IHO1: variants seen among roughly 807,000 people sequenced by gnomAD.
IHO1 encodes interactor of HORMAD1 1.
Under a neutral mutation model 31.0 loss-of-function variants are expected in IHO1, and 13 were observed. The ratio of observed to expected loss-of-function variants is 0.42; its 90% confidence interval spans 0.27 to 0.67. IHO1 has a LOEUF of 0.67. IHO1 is among the 30% of genes least tolerant of loss of function. The pLI is 0.24. For synonymous variants in IHO1, 221 were observed against 248.4 expected, an observed-to-expected ratio of 0.89 and a Z score of 1.04; for missense variants, 599 against 687.5, an observed-to-expected ratio of 0.87 and a Z score of 1.44.
intron 1 of IHO1, among the ~76,000 whole-genome samples, chr3:49,204,224 G>T (rs1025032549): frequency 6.6e-6 from 1 of 152,036 alleles, no homozygotes; most frequent in South Asian, 2.1e-4. Flanking sequence ...CTATCACAAT[G>T]GTAATTAAAT....
At chr3:49,234,438 C>G (rs2046527507) in intron 2 of IHO1, among the ~76,000 whole-genome samples, 1 of 151,844 alleles carries the variant, frequency 6.6e-6, no homozygotes, top group East Asian at 1.9e-4. Context: ...CCTCGGCCTC[C>G]CAAAGTGCTA....
chr3:49,254,342 C>G (rs999979639), intron 6 of IHO1, among the ~76,000 whole-genome samples: 20 of 152,082 alleles, frequency 1.3e-4, no homozygotes, highest in African/African-American at 4.1e-4. Context: ...AGAGGAAAAT[C>G]AATCAGTCCT....
intron 3 of IHO1, among the ~76,000 whole-genome samples, chr3:49,240,050 T>G (rs2046611419): frequency 1.3e-5 from 2 of 152,102 alleles, no homozygotes; most frequent in African/African-American, 4.8e-5. Context: ...TTTTCTTTTC[T>G]TTTCTTTTCT....
intron 6 of IHO1, among the ~76,000 whole-genome samples, chr3:49,246,226 G>C (rs113580032): frequency 1.7e-4 from 25 of 150,098 alleles, no homozygotes; most frequent in Middle Eastern, 7.0e-3. Context: ...CCTTGAAACT[G>C]TTAACCCCAC....
intron 2 of IHO1, among the ~76,000 whole-genome samples, chr3:49,232,029 G>A (rs1201346670): frequency 1.2e-4 from 19 of 152,038 alleles, no homozygotes; most frequent in Non-Finnish European, 1.5e-5. Context: ...TCTTACTTTG[G>A]GCTACATGCC....
intron 6 of IHO1, among the ~76,000 whole-genome samples, chr3:49,246,128 G>A (rs1575585945): frequency 1.3e-5 from 2 of 149,178 alleles, no homozygotes; most frequent in Non-Finnish European, 1.5e-5. Context: ...GTGGCAGTGA[G>A]CTGAGATGGC....
chr3:49,200,596 C>A (rs1307038770), intron 1 of IHO1: 12 of 984,514 alleles, frequency 1.2e-5, no homozygotes, highest in Non-Finnish European at 1.4e-5. Flanking sequence ...GGTCCTCTCC[C>A]CCTCACGTGT....
chr3:49,200,438 C>T (rs1317070619), intron 1 of IHO1: 1 of 326,056 alleles, frequency 3.1e-6, no homozygotes, highest in Non-Finnish European at 4.0e-6. Flanking sequence ...GCACTCCAGC[C>T]TGGGCGACAG....
At chr3:49,241,012 G>A (rs188472375) in intron 3 of IHO1, among the ~76,000 whole-genome samples, 1 of 152,184 alleles carries the variant, frequency 6.6e-6, no homozygotes, top group African/African-American at 2.4e-5. Context: ...ATATCTCTGG[G>A]CTGGTAAGGC....
intron 2 of IHO1, among the ~76,000 whole-genome samples, chr3:49,227,067 C>T (rs2046427322): frequency 6.6e-6 from 1 of 152,050 alleles, no homozygotes; most frequent in African/African-American, 2.4e-5. Context: ...GCTGAGAGGC[C>T]CTCCTGTGGG....
At chr3:49,227,166 C>T (rs2046428007) in intron 2 of IHO1, among the ~76,000 whole-genome samples, 1 of 152,182 alleles carries the variant, frequency 6.6e-6, no homozygotes, top group African/African-American at 2.4e-5. Context: ...TTTGCCTTCA[C>T]TCTTACAGAA....
intron 6 of IHO1, among the ~76,000 whole-genome samples, chr3:49,253,177 G>A (rs534213472): frequency 1.3e-5 from 2 of 152,270 alleles, no homozygotes; most frequent in African/African-American, 4.8e-5. Context: ...TGTAATCCCA[G>A]CACTTTGGGA....
intron 1 of IHO1, among the ~76,000 whole-genome samples, chr3:49,207,495 C>T (rs1013620135): frequency 2.0e-5 from 3 of 152,112 alleles, no homozygotes; most frequent in African/African-American, 2.4e-5. Context: ...CTGCCCACCT[C>T]GGCCTCCCAA....
chr3:49,256,320 C>A lies in IHO1; in HGVS notation c.823C>A (p.Pro275Thr). 6.2e-7 allele frequency: 1 copy of A among 1,614,134 alleles called. No individual in the cohort carries two copies. Among genetic ancestry groups the A allele is most frequent in the Admixed American group, 1.7e-5 (1 of 60,002 alleles). ...PVKDSASQTS[P>T]PLAQSLNLTR... ...GAAAGACAGTGCTTCTCAGACGTCG[C>A]CACCTTTGGCCCAGAGCCTCAATCT... Residue 275 changes from proline to threonine, a missense_variant, in exon 8 of 8, where the codon CCA (proline) becomes ACA (threonine). Coordinates refer to ENST00000452691, the MANE Select transcript of IHO1 (RefSeq NM_001135197.2). The surrounding 1 kb of genome is among the most constrained non-coding windows in gnomAD (Gnocchi z 4.6).
Position 49,199,577 on chromosome 3 carries a change from G to A in IHO1, c.-16+4G>A, listed in dbSNP as rs2046026817. 6.6e-6 allele frequency: 1 copy of A among 152,278 alleles called. No individual in the cohort carries two copies. The highest frequency in any genetic ancestry group is 1.5e-5 in the Non-Finnish European group (1 of 68,130). 9.4% of individuals were successfully genotyped at this position (152,278 alleles called of 1,614,324 possible). A position where few individuals can be genotyped will look rare whatever the true frequency, so the allele number is the denominator to read the frequency against. ...GGGCGCGTGCCAGCAGCCAGAGGTG[G>A]GGACAGGAGGGCTTTGGGCAGGGTG... On this transcript the variant is annotated splice_donor_region_variant and intron_variant, in intron 1 of 7. Transcript: ENST00000452691.
At chr3:49,207,224 G>A (rs6769821) in intron 1 of IHO1, among the ~76,000 whole-genome samples, 124,448 of 151,104 alleles carry the variant, frequency 0.82, 52,063 homozygotes, top group East Asian at 0.99. Context: ...CTGTGTTCTC[G>A]GAGCATTTTT....
At chr3:49,211,093 C>T (rs1163903170) in intron 1 of IHO1, among the ~76,000 whole-genome samples, 2 of 150,906 alleles carry the variant, frequency 1.3e-5, no homozygotes, top group Non-Finnish European at 2.9e-5. Flanking sequence ...CTGCAAGCTC[C>T]ACCTCTTGTG....
chr3:49,225,196 T>G (rs1202767700), intron 2 of IHO1, among the ~76,000 whole-genome samples: 1 of 152,250 alleles, frequency 6.6e-6, no homozygotes. Flanking sequence ...CTGGGCGCAG[T>G]GGCTCACGCC....
intron 2 of IHO1, among the ~76,000 whole-genome samples, chr3:49,219,318 G>C (rs1030481412): frequency 3.3e-5 from 5 of 152,192 alleles, no homozygotes; most frequent in African/African-American, 1.2e-4. Context: ...CTGCTTAAAG[G>C]CAATCCTAAA....
Sources: gnomAD v4.1 joint callset for allele counts (sites outside exome capture counted in the v4.1 genomes callset) on GRCh38, gnomAD v4.1.1 for gene constraint, Gnocchi (gnomAD v3.1) non-coding constraint, MANE v1.5 for transcripts, NCBI Gene and HGNC (gene_info 2026-07-23, HGNC 2026-07-21) for gene names.